Variants in RERE observed in about 807,000 individuals in gnomAD.
RERE encodes the protein arginine-glutamic acid dipeptide repeats.
In RERE, 40 loss-of-function variants were observed where a neutral mutation model predicts 146.1. The ratio of observed to expected loss-of-function variants is 0.27; its 90% confidence interval spans 0.21 to 0.36. RERE has a LOEUF of 0.36. Ranked by LOEUF, RERE falls within the 10% of genes least tolerant of loss-of-function variation. The pLI is 1.00. For missense variants in RERE, 1,933 were observed against 2,138.7 expected (o/e 0.90, Z 1.90); for synonymous variants, 1,003 against 866.0 (o/e 1.16, Z -2.78).
At chr1:8,634,828 C>T (rs1337382610) in intron 2 of RERE, among the ~76,000 whole-genome samples, 1 of 152,306 alleles carries the variant, frequency 6.6e-6, no homozygotes, top group East Asian at 1.9e-4. Flanking sequence ...CTCCGCCTCC[C>T]AGGTTCAAGC....
At chr1:8,755,623 A>T (rs1640626283) in intron 1 of RERE, among the ~76,000 whole-genome samples, 2 of 152,238 alleles carry the variant, frequency 1.3e-5, no homozygotes, top group African/African-American at 4.8e-5. Context: ...TAGCACATGG[A>T]ACTGGGACAA....
intron 11 of RERE, among the ~76,000 whole-genome samples, chr1:8,450,381 T>G (rs76815975): frequency 0.013 from 2,000 of 148,748 alleles, 44 homozygotes; most frequent in African/African-American, 0.048. Flanking sequence ...CCAGCAGAGC[T>G]GCGTGTGGAG....
At chr1:8,454,259 A>G (rs1301333883) in intron 11 of RERE, among the ~76,000 whole-genome samples, 2 of 152,260 alleles carry the variant, frequency 1.3e-5, no homozygotes, top group Non-Finnish European at 2.9e-5. Flanking sequence ...CAGTAACAAA[A>G]GGACACTGTG....
In RERE at chr1:8,733,122, G is replaced by A. The variant is rs562838722; in HGVS notation, c.-144-76681C>T. On this transcript the variant is annotated intron_variant, in intron 1 of 22. Transcript: ENST00000400908. ...AGGCGTGAGCCACCACGCCCAGCCC[G>A]ATTTTTCTATAAATCTAAAAGTGTT... Among the ~76,000 whole-genome samples the A allele has an allele frequency of 9.9e-5, 15 of 151,914 alleles. No individual in the cohort carries two copies. In the East Asian group the frequency reaches 1.6e-3, roughly 16 times the overall value.
intron 1 of RERE, among the ~76,000 whole-genome samples, chr1:8,720,842 G>A (rs533653514): frequency 2.0e-3 from 310 of 152,260 alleles, no homozygotes; most frequent in Non-Finnish European, 4.0e-3. Context: ...GATTACTTGA[G>A]GTCAGGAGTT....
intron 1 of RERE, among the ~76,000 whole-genome samples, chr1:8,685,219 A>C (rs1190745980): frequency 6.6e-6 from 1 of 152,192 alleles, no homozygotes; most frequent in Non-Finnish European, 1.5e-5. Flanking sequence ...TAAACTACAC[A>C]TTTCCTGATT....
At chr1:8,784,189 T>C (rs1438790828) in intron 1 of RERE, among the ~76,000 whole-genome samples, 2 of 152,204 alleles carry the variant, frequency 1.3e-5, no homozygotes, top group Non-Finnish European at 2.9e-5. Context: ...CTCCTCTGTC[T>C]GGGAAGCTCA....
intron 7 of RERE, chr1:8,526,069 C>A: frequency 1.7e-6 from 2 of 1,176,538 alleles, no homozygotes; most frequent in Non-Finnish European, 2.1e-6. Context: ...AAATAAAGCC[C>A]AGCCAACAGA....
intron 12 of RERE, among the ~76,000 whole-genome samples, chr1:8,418,251 TGTA>T (rs1643832098): frequency 6.6e-6 from 1 of 152,194 alleles, no homozygotes; most frequent in Non-Finnish European, 1.5e-5. Flanking sequence ...GAGTTTCCAG[TGTA>T]GTAAGTGTCA....
intron 8 of RERE, among the ~76,000 whole-genome samples, chr1:8,497,953 T>A (rs907969401): frequency 6.6e-6 from 1 of 152,254 alleles, no homozygotes; most frequent in African/African-American, 2.4e-5. Context: ...TAAGGATATT[T>A]GCTAAAAAAT....
intron 12 of RERE, among the ~76,000 whole-genome samples, chr1:8,403,739 T>C (rs2124444884): frequency 6.6e-6 from 1 of 152,056 alleles, no homozygotes; most frequent in Admixed American, 6.5e-5. Flanking sequence ...ATTTCATTAA[T>C]ATCTGCTATT....
chr1:8,486,755 T>TAAAAAAAAAAAAAAAAAAAAAAAAA (rs33956517), intron 10 of RERE, among the ~76,000 whole-genome samples: 3 of 122,348 alleles, frequency 2.5e-5, no homozygotes, highest in Non-Finnish European at 3.3e-5. Flanking sequence ...GAGTCCATCT[T>TAAAAAAAAAAAAAAAAAAAAAAAAA]AAAAAAAAAA....
At chr1:8,779,598 G>A (rs1641129434) in intron 1 of RERE, among the ~76,000 whole-genome samples, 1 of 152,020 alleles carries the variant, frequency 6.6e-6, no homozygotes. Context: ...GGGAGGCGGA[G>A]GTTGCAATGA....
At chr1:8,462,353 G>A (rs1342296915) in intron 11 of RERE, among the ~76,000 whole-genome samples, 1 of 152,260 alleles carries the variant, frequency 6.6e-6, no homozygotes, top group Non-Finnish European at 1.5e-5. Flanking sequence ...GGAATGAAGA[G>A]CTGGGGATCA....
chr1:8,588,505 G>A (rs911225618), intron 4 of RERE, among the ~76,000 whole-genome samples: 20 of 152,104 alleles, frequency 1.3e-4, no homozygotes, highest in African/African-American at 4.8e-4. Flanking sequence ...GCATCCCACT[G>A]ACTCTATGAG....
chr1:8,559,732 C>G (rs898624745), intron 4 of RERE, among the ~76,000 whole-genome samples: 8 of 151,966 alleles, frequency 5.3e-5, no homozygotes, highest in Non-Finnish European at 5.9e-5. Flanking sequence ...ATATCCAGAC[C>G]CCACAGTCCA....
At chr1:8,573,592 G>A (rs925437947) in intron 4 of RERE, among the ~76,000 whole-genome samples, 1 of 151,952 alleles carries the variant, frequency 6.6e-6, no homozygotes, top group African/African-American at 2.4e-5. Context: ...TTACAACCTT[G>A]GTTGTAATAA....
At chr1:8,601,621 G>C (rs1282993685) in intron 4 of RERE, among the ~76,000 whole-genome samples, 1 of 92,572 alleles carries the variant, frequency 1.1e-5, no homozygotes, top group Non-Finnish European at 2.2e-5. Flanking sequence ...TCATGTCCAA[G>C]GTCACCACAC....
At chr1:8,652,258 A>C (rs1365556188) in intron 2 of RERE, among the ~76,000 whole-genome samples, 3 of 152,204 alleles carry the variant, frequency 2.0e-5, no homozygotes, top group Non-Finnish European at 2.9e-5. Flanking sequence ...AAATCTTCCA[A>C]ACCATGTGTG....
Sources: gnomAD v4.1 joint callset for allele counts (sites outside exome capture counted in the v4.1 genomes callset) on GRCh38, gnomAD v4.1.1 for gene constraint, MANE v1.5 for transcripts, NCBI Gene and HGNC (gene_info 2026-07-23, HGNC 2026-07-21) for gene names.